The following GFM2 variants were observed in gnomAD, a reference collection of about 807,000 sequenced individuals.
The protein encoded by GFM2 is ribosome-releasing factor 2, mitochondrial.
Under a neutral mutation model 95.4 loss-of-function variants are expected in GFM2, and 72 were observed. The ratio of observed to expected loss-of-function variants is 0.76; its 90% CI spans 0.62 to 0.92. The LOEUF is 0.92. Among genes scored for constraint, GFM2 ranks in the 40% least tolerant of loss-of-function variants. The pLI, the probability that GFM2 is intolerant of heterozygous loss-of-function variation, is 0.00. For synonymous variants in GFM2, 276 were observed against 317.5 expected, an observed-to-expected ratio of 0.87 and a Z score of 1.39; for missense variants, 825 against 924.1, an observed-to-expected ratio of 0.89 and a Z score of 1.39.
At chr5:74,753,324 G>A (rs1423237958) in intron 5 of GFM2, among the ~76,000 whole-genome samples, 2 of 152,170 alleles carry the variant, frequency 1.3e-5, no homozygotes, top group Non-Finnish European at 2.9e-5. Flanking sequence ...AAGGCCAGGT[G>A]TGGTGGCTCA....
intron 5 of GFM2, among the ~76,000 whole-genome samples, chr5:74,757,334 T>C (rs892171414): frequency 6.6e-6 from 1 of 151,660 alleles, no homozygotes; most frequent in African/African-American, 2.4e-5. Flanking sequence ...AAGATCTTGA[T>C]ATTCTCTTTT....
At chr5:74,751,342 T>A in intron 6 of GFM2, 26 bp downstream of exon 6, 1 of 1,594,774 alleles carries the variant, frequency 6.3e-7, no homozygotes, top group South Asian at 1.1e-5. Flanking sequence ...ACGCAGCATC[T>A]CTGTGTTACT....
chr5:74,742,619 G>C (rs1333465673), intron 10 of GFM2, among the ~76,000 whole-genome samples: 2 of 151,608 alleles, frequency 1.3e-5, no homozygotes, highest in Non-Finnish European at 2.9e-5. Context: ...TAATTTAAAG[G>C]AAAATTTTAA....
intron 15 of GFM2, chr5:74,736,214 C>A (rs1369187145): frequency 1.5e-5 from 4 of 265,496 alleles, no homozygotes; most frequent in Non-Finnish European, 2.3e-5. Context: ...GGGTTTTCTG[C>A]TATATGTAAC....
At chr5:74,747,959 G>A (rs187910659) in intron 7 of GFM2, among the ~76,000 whole-genome samples, 179 bp from the exon 8 acceptor site, 77 of 152,230 alleles carry the variant, frequency 5.1e-4, no homozygotes, top group African/African-American at 1.8e-3. Context: ...TAACACAGCC[G>A]GGAACGTGAT....
chr5:74,738,667 G>C (rs182115360), intron 12 of GFM2, 25 bp from the exon 13 acceptor site: 7 of 1,586,572 alleles, frequency 4.4e-6, no homozygotes, highest in East Asian at 2.2e-5. Context: ...TTCCAAAAAG[G>C]CCTATAAAAT....
intron 12 of GFM2, among the ~76,000 whole-genome samples, chr5:74,738,959 C>A (rs1217333435): frequency 6.6e-6 from 1 of 152,116 alleles, no homozygotes; most frequent in Non-Finnish European, 1.5e-5. Flanking sequence ...GAAATCTGCA[C>A]AGGGTAAATA....
intron 5 of GFM2, among the ~76,000 whole-genome samples, chr5:74,753,768 A>T (rs528511715): frequency 1.3e-5 from 2 of 152,328 alleles, no homozygotes; most frequent in South Asian, 4.1e-4. Flanking sequence ...AAAGAAGAGA[A>T]ATCTAAAAGT....
intron 10 of GFM2, among the ~76,000 whole-genome samples, chr5:74,745,050 C>T (rs1743307527): frequency 6.6e-6 from 1 of 151,930 alleles, no homozygotes; most frequent in Admixed American, 6.6e-5. Context: ...TAAAGAAAAG[C>T]AAATGAGGCC....
intron 20 of GFM2, 32 bp from the exon 21 acceptor site, chr5:74,721,815 T>C (rs1230162378): frequency 6.3e-7 from 1 of 1,578,750 alleles, no homozygotes; most frequent in Non-Finnish European, 8.6e-7. Flanking sequence ...ATTTATATTA[T>C]CAAATTTAAG....
chr5:74,756,685 A>T (rs2112346869), intron 5 of GFM2, among the ~76,000 whole-genome samples: 1 of 152,226 alleles, frequency 6.6e-6, no homozygotes, highest in South Asian at 2.1e-4. Context: ...ATACACACAC[A>T]TATACACACC....
rs1744128628 is a variant in GFM2 at position 74,758,845 on chromosome 5, T to G, written c.304+4A>C. The G allele has an allele frequency of 6.4e-7, 1 of 1,566,158 alleles. No homozygotes were observed. Among genetic ancestry groups the G allele is most frequent in the African/African-American group, 1.4e-5 (1 of 73,862 alleles). On this transcript the variant is annotated splice_donor_region_variant and intron_variant, in intron 5 of 20. Coordinates refer to ENST00000296805, the MANE Select transcript of GFM2 (RefSeq NM_032380.5). ...GGGTGGGAAGAGGAGGAATCCATTC[T>G]AACCTCCCAGTGATCTTGTATATCC...
At chr5:74,754,428 T>C (rs1165906928) in intron 5 of GFM2, among the ~76,000 whole-genome samples, 2 of 151,948 alleles carry the variant, frequency 1.3e-5, no homozygotes, top group African/African-American at 4.8e-5. Context: ...AATGGTAGAA[T>C]GGATAAGAGT....
rs1274523532 is a variant in GFM2, at chr5:74,725,956, T to G, written c.1897A>C (p.Ser633Arg). The G allele has an allele frequency of 6.2e-7, 1 of 1,610,678 alleles. No homozygotes were observed. The highest frequency in any genetic ancestry group is 1.1e-5 in the South Asian group (1 of 90,450). The change falls in exon 18 of 21, where the codon AGC becomes CGC. Residue 633 changes from serine (S) to arginine (R), a missense_variant. By Grantham distance (110) the Ser-to-Arg change is moderately radical. Coordinates refer to ENST00000296805, the MANE Select transcript of GFM2 (RefSeq NM_032380.5). ...AGTGTCTTACCTTGGAGACATGCGC[T>G]GTGAATTCCATTTTCAATGGCCTCT... is the stretch of plus-strand genomic sequence containing the variant. ...SQEAIENGIH[S>R]ACLQGPLLGS...
intron 5 of GFM2, among the ~76,000 whole-genome samples, chr5:74,757,331 T>C (rs912799043): frequency 1.3e-5 from 2 of 151,740 alleles, no homozygotes; most frequent in Non-Finnish European, 2.9e-5. Context: ...AGCAAGATCT[T>C]GATATTCTCT....
chr5:74,721,785 T>TAATC lies in GFM2; in HGVS notation c.2212-6_2212-3dup. ...CGTTCGAAGCACAGTTGAATAACCCTAATCAAAATAATTTAAGTCATTTAT... is the reference window on the plus strand; with the variant it reads ...CGTTCGAAGCACAGTTGAATAACCCTAATCAATCAAAATAATTTAAGTCATTTAT... On this transcript the variant is annotated splice_region_variant and splice_polypyrimidine_tract_variant and intron_variant, in intron 20 of 20. Transcript: ENST00000296805. 1.3e-6 allele frequency: 2 copies of TAATC among 1,599,686 alleles called. No homozygotes were observed. Among genetic ancestry groups the TAATC allele is most frequent in the Middle Eastern group, 1.7e-4 (1 of 5,994 alleles).
Position 74,751,371 on chromosome 5 carries a change from G to A in GFM2, c.427C>T (p.Pro143Ser). Residue 143 changes from proline to serine, a missense_variant, in exon 6 of 21, where the codon CCA becomes TCA. Pro to Ser is a moderately conservative substitution (Grantham distance 74). Transcript: ENST00000296805. ...TGTTACTGGAATCGTACCATACCTG[G>A]TGTATCAATTAGATTGACTCTATAA... Reference protein sequence around the residue: ...KGYRVNLIDTPGHVDFTLEVE... With the variant: ...KGYRVNLIDTSGHVDFTLEVE... 1.2e-6 allele frequency: 2 copies of A among 1,612,112 alleles called. No homozygotes were observed. The highest frequency in any genetic ancestry group is 1.7e-6 in the Non-Finnish European group (2 of 1,178,896).
intron 10 of GFM2, among the ~76,000 whole-genome samples, chr5:74,745,353 G>A (rs1233407043): frequency 6.6e-6 from 1 of 152,004 alleles, no homozygotes; most frequent in Non-Finnish European, 1.5e-5. Flanking sequence ...TCAACGAAAA[G>A]CAAATGAAAG....
chr5:74,756,945 A>G (rs1744017607), intron 5 of GFM2, among the ~76,000 whole-genome samples: 1 of 152,132 alleles, frequency 6.6e-6, no homozygotes, highest in Non-Finnish European at 1.5e-5. Flanking sequence ...AGTGAGGGAT[A>G]AAAGACTACA....
Sources: gnomAD v4.1 joint callset for allele counts (sites outside exome capture counted in the v4.1 genomes callset) on GRCh38, gnomAD v4.1.1 for gene constraint, MANE v1.5 for transcripts, NCBI Gene and HGNC (gene_info 2026-07-23, HGNC 2026-07-21) for gene names.